EBF1: variants seen among roughly 807,000 people sequenced by gnomAD.
EBF1 encodes the protein EBF transcription factor 1.
A neutral mutation model predicts 68.4 loss-of-function variants in EBF1; 10 were observed. That is an observed-to-expected ratio of 0.15 (90% CI 0.09 to 0.25). The LOEUF is 0.25. Among genes scored for constraint, EBF1 ranks in the 10% least tolerant of loss-of-function variants. The pLI is 1.00. For missense variants in EBF1, 509 were observed against 794.4 expected, an observed-to-expected ratio of 0.64 and a Z score of 4.32; for synonymous variants, 298 against 299.8, an observed-to-expected ratio of 0.99 and a Z score of 0.06.
At chr5:159,067,117 G>A (rs1251811945) in intron 6 of EBF1, among the ~76,000 whole-genome samples, 1 of 152,018 alleles carries the variant, frequency 6.6e-6, no homozygotes, top group East Asian at 1.9e-4. Context: ...GAAATGAGGG[G>A]AATTTATCAA....
At chr5:158,901,132 C>A (rs1272769538) in intron 6 of EBF1, among the ~76,000 whole-genome samples, 4 of 152,234 alleles carry the variant, frequency 2.6e-5, no homozygotes, top group African/African-American at 4.8e-5. Flanking sequence ...TCCTTGTTAA[C>A]TTCTACCACA....
chr5:159,000,702 T>C (rs111917882), intron 6 of EBF1, among the ~76,000 whole-genome samples: 21 of 152,308 alleles, frequency 1.4e-4, no homozygotes, highest in African/African-American at 4.6e-4. Context: ...TCAATGGTGA[T>C]ATTAATGAAC....
intron 6 of EBF1, among the ~76,000 whole-genome samples, chr5:158,851,539 G>A (rs1431139558): frequency 5.5e-5 from 3 of 54,328 alleles, no homozygotes; most frequent in East Asian, 1.5e-3. Context: ...AGGAGGGGAG[G>A]GGAGAGGGGA....
rs564238530 is a variant in EBF1, at chr5:158,965,086, T to C, written c.554+108310A>G. The stretch of plus-strand genomic sequence containing the variant: ...ACTATGAGTCAAAAACTTTACTTTT[T>C]AGCTCTGGTTGTCACTAACTCGTTA... On this transcript the variant is annotated intron_variant, in intron 6 of 15. Transcript: ENST00000313708. 1.0e-3 allele frequency among the ~76,000 whole-genome samples: 154 copies of C among 152,342 alleles called. 2 individuals are homozygous for C. Among genetic ancestry groups the C allele is most frequent in the African/African-American group, 3.5e-3 (146 of 41,584 alleles).
chr5:159,090,575 G>A (rs1330611533), intron 4 of EBF1, among the ~76,000 whole-genome samples: 1 of 152,066 alleles, frequency 6.6e-6, no homozygotes, highest in African/African-American at 2.4e-5. Context: ...TTACATCACA[G>A]CCCTGAATAA....
intron 6 of EBF1, among the ~76,000 whole-genome samples, chr5:158,861,749 G>T (rs752384236): frequency 6.6e-6 from 1 of 151,894 alleles, no homozygotes; most frequent in Non-Finnish European, 1.5e-5. Flanking sequence ...CTTTGGTTAT[G>T]TGGCATCTTA....
intron 6 of EBF1, among the ~76,000 whole-genome samples, chr5:158,962,690 C>G (rs995444853): frequency 1.3e-5 from 2 of 152,322 alleles, no homozygotes; most frequent in Non-Finnish European, 1.5e-5. Flanking sequence ...CATATAGGTA[C>G]TTACAGTTCA....
At chr5:158,876,177 C>A (rs1797782600) in intron 6 of EBF1, among the ~76,000 whole-genome samples, 1 of 152,058 alleles carries the variant, frequency 6.6e-6, no homozygotes, top group Non-Finnish European at 1.5e-5. Context: ...TTAGCAGGAA[C>A]AAAAATCAGT....
intron 6 of EBF1, among the ~76,000 whole-genome samples, chr5:158,943,726 A>G (rs925737247): frequency 1.2e-4 from 19 of 152,166 alleles, no homozygotes; most frequent in African/African-American, 4.6e-4. Context: ...TGAAATCTCA[A>G]CTGAAATGGG....
intron 6 of EBF1, among the ~76,000 whole-genome samples, chr5:159,044,708 T>C (rs1317546800): frequency 6.6e-6 from 1 of 152,244 alleles, no homozygotes; most frequent in Non-Finnish European, 1.5e-5. Flanking sequence ...AGTAGTCTAT[T>C]ACTCACTGTT....
At chr5:158,802,308 G>C (rs529754148) in intron 8 of EBF1, among the ~76,000 whole-genome samples, 29 of 152,154 alleles carry the variant, frequency 1.9e-4, no homozygotes, top group Admixed American at 1.8e-3. Flanking sequence ...ATATTGTTTG[G>C]CTTTTTTCTC....
At chr5:158,990,781 C>T (rs940325739) in intron 6 of EBF1, among the ~76,000 whole-genome samples, 5 of 152,210 alleles carry the variant, frequency 3.3e-5, no homozygotes, top group Non-Finnish European at 2.9e-5. Context: ...GACAAAGGCT[C>T]ATAACAGAAT....
intron 6 of EBF1, among the ~76,000 whole-genome samples, chr5:158,898,543 G>A (rs772918772): frequency 2.0e-5 from 3 of 152,160 alleles, no homozygotes; most frequent in African/African-American, 7.2e-5. Flanking sequence ...CCCAGTACCA[G>A]AGGTTTTTCT....
At chr5:158,981,169 A>AT (rs1757825657) in intron 6 of EBF1, among the ~76,000 whole-genome samples, 3 of 152,098 alleles carry the variant, frequency 2.0e-5, no homozygotes, top group Admixed American at 6.6e-5. Context: ...AAAAAAAAAA[A>AT]CTGACTATAA....
chr5:159,076,817 C>CACAT (rs999524821), intron 5 of EBF1, among the ~76,000 whole-genome samples: 7 of 152,142 alleles, frequency 4.6e-5, no homozygotes, highest in African/African-American at 1.7e-4. Flanking sequence ...TATACACACA[C>CACAT]ACATACATAT....
chr5:159,076,424 CT>C (rs1401276064), intron 5 of EBF1, among the ~76,000 whole-genome samples: 1 of 152,138 alleles, frequency 6.6e-6, no homozygotes, highest in African/African-American at 2.4e-5. Flanking sequence ...GAGATTTTTC[CT>C]TTTCACTTAA....
At chr5:158,711,414 G>GC (rs1175674427) in intron 14 of EBF1, among the ~76,000 whole-genome samples, 3 of 152,122 alleles carry the variant, frequency 2.0e-5, no homozygotes, top group Non-Finnish European at 4.4e-5. Context: ...TACTAAATGT[G>GC]CCTCTATCCA....
In EBF1 at chr5:158,894,922, C is replaced by A. The variant is rs576939043; in HGVS notation, c.555-54812G>T. On this transcript the variant is annotated intron_variant, in intron 6 of 15. Transcript: ENST00000313708. ...GCCAGGTATGTTTCAGAATGCAGAA[C>A]CCTTTAGATTTTAGAAAGTTAATGT... Among the ~76,000 whole-genome samples, 22 of 152,202 alleles carry A rather than the reference C, an allele frequency of 1.4e-4. No individual in the cohort carries two copies. The South Asian group carries it at 4.2e-3, about 29-fold the overall frequency.
At chr5:158,975,333 T>C (rs946168525) in intron 6 of EBF1, among the ~76,000 whole-genome samples, 2 of 152,222 alleles carry the variant, frequency 1.3e-5, no homozygotes, top group Admixed American at 6.5e-5. Context: ...CCGTATGCTG[T>C]GTTTACTGAG....
Sources: gnomAD v4.1 joint callset for allele counts (sites outside exome capture counted in the v4.1 genomes callset) on GRCh38, gnomAD v4.1.1 for gene constraint, MANE v1.5 for transcripts, NCBI Gene and HGNC (gene_info 2026-07-23, HGNC 2026-07-21) for gene names.